The following DPP10 variants were observed in gnomAD, a reference collection of about 807,000 sequenced individuals.
DPP10 encodes the protein inactive dipeptidyl peptidase 10.
Under a neutral mutation model 120.9 loss-of-function variants are expected in DPP10, and 33 were observed. The ratio of observed to expected loss-of-function variants is 0.27; its 90% CI spans 0.21 to 0.37. The LOEUF is 0.37. Among genes scored for constraint, DPP10 ranks in the 10% least tolerant of loss-of-function variants. The probability of loss-of-function intolerance (pLI) is 1.00; values close to 1 mark genes in which losing one functional copy is unlikely to be tolerated. For synonymous variants in DPP10, 337 were observed against 326.1 expected (o/e 1.03, Z -0.36); for missense variants, 816 against 942.8 (o/e 0.87, Z 1.76).
intron 4 of DPP10, among the ~76,000 whole-genome samples, chr2:115,506,112 C>T (rs1019898707): frequency 4.6e-5 from 7 of 151,842 alleles, no homozygotes; most frequent in African/African-American, 1.7e-4. Context: ...ATAATTTTTC[C>T]CTTCTTTTGA....
In DPP10 at chr2:114,980,769, G is replaced by C. The variant is rs568716999; in HGVS notation, c.61-328470G>C. On this transcript the variant is annotated intron_variant, in intron 1 of 25. Transcript: ENST00000410059. ...ACCTCCCAGAGCGCTGCAGGTATAA[G>C]CATGAGCCACTGCACCCCACCTCCA... 6.6e-5 allele frequency among the ~76,000 whole-genome samples: 10 copies of C among 151,970 alleles called. No individual in the cohort carries two copies. The East Asian group carries it at 1.9e-3, about 29-fold the overall frequency.
chr2:114,831,640 G>A (rs998598731), intron 1 of DPP10, among the ~76,000 whole-genome samples: 1 of 152,068 alleles, frequency 6.6e-6, no homozygotes, highest in African/African-American at 2.4e-5. Context: ...CATATAAACA[G>A]ATATTCTGCA....
rs188237460 is a variant in DPP10 at position 114,817,917 on chromosome 2, G to A, written c.60+375079G>A. 2.8e-4 allele frequency among the ~76,000 whole-genome samples: 42 copies of A among 152,292 alleles called. No homozygotes were observed. In the East Asian group the frequency reaches 7.9e-3, roughly 29 times the overall value. On this transcript the variant is annotated intron_variant, in intron 1 of 25. Transcript: ENST00000410059. ...TAATACTTAAGGATGTAGGCTAGAAGAGTTCTAGGATTATTGGCAGAGTTT... is the reference window on the plus strand; with the variant it reads ...TAATACTTAAGGATGTAGGCTAGAAAAGTTCTAGGATTATTGGCAGAGTTT...
At chr2:115,812,678 G>C (rs1686773790) in intron 19 of DPP10, among the ~76,000 whole-genome samples, 1 of 152,080 alleles carries the variant, frequency 6.6e-6, no homozygotes. Context: ...GAAAGACAAG[G>C]CATATTTTGA....
chr2:114,762,147 A>G (rs946286584), intron 1 of DPP10, among the ~76,000 whole-genome samples: 3 of 152,214 alleles, frequency 2.0e-5, no homozygotes, highest in African/African-American at 7.2e-5. Context: ...AGCTTTAATT[A>G]CATGGTTTGG....
chr2:115,628,378 T>C (rs34832378), intron 5 of DPP10, among the ~76,000 whole-genome samples: 34,442 of 152,098 alleles, frequency 0.23, 4,364 homozygotes, highest in East Asian at 0.39. Context: ...GTTTTGTTTC[T>C]TGTAAATTAA....
At chr2:115,128,327 T>C (rs1218977764) in intron 1 of DPP10, among the ~76,000 whole-genome samples, 1 of 152,222 alleles carries the variant, frequency 6.6e-6, no homozygotes, top group Admixed American at 6.5e-5. Flanking sequence ...TGCATCAAAA[T>C]ACTCACATCA....
intron 1 of DPP10, among the ~76,000 whole-genome samples, chr2:114,594,109 C>T (rs1052849551): frequency 3.9e-5 from 6 of 151,952 alleles, no homozygotes; most frequent in African/African-American, 1.5e-4. Context: ...GAAAGGCAGA[C>T]CCACCCTTAA....
At chr2:114,776,647 T>C (rs933996612) in intron 1 of DPP10, among the ~76,000 whole-genome samples, 2 of 152,114 alleles carry the variant, frequency 1.3e-5, no homozygotes, top group Admixed American at 1.3e-4. Flanking sequence ...AAGTCATCTA[T>C]GGTGGGAGCT....
chr2:115,718,840 G>A (rs980402904), intron 7 of DPP10, among the ~76,000 whole-genome samples: 5 of 152,066 alleles, frequency 3.3e-5, no homozygotes, highest in African/African-American at 1.2e-4. Flanking sequence ...GGTGGCAAAG[G>A]AAAAGTGAAA....
rs374302526 is a variant in DPP10 at position 114,788,510 on chromosome 2, A to C, written c.60+345672A>C. On this transcript the variant is annotated intron_variant, in intron 1 of 25. Transcript: ENST00000410059. ...AGCTCACTGCAACTTCTGCCTCCTG[A>C]GTTCAAGTGATTCTCCTGCCTCAGC... Among the ~76,000 whole-genome samples the C allele has an allele frequency of 1.2e-4, 18 of 150,940 alleles. No homozygotes were observed. In the East Asian group the frequency reaches 2.9e-3, roughly 25 times the overall value.
At chr2:114,661,370 A>C (rs971019279) in intron 1 of DPP10, among the ~76,000 whole-genome samples, 1 of 152,248 alleles carries the variant, frequency 6.6e-6, no homozygotes, top group East Asian at 1.9e-4. Flanking sequence ...TACTACATGC[A>C]TGTAATATAC....
At chr2:114,791,118 T>C (rs774163438) in intron 1 of DPP10, among the ~76,000 whole-genome samples, 4 of 152,158 alleles carry the variant, frequency 2.6e-5, no homozygotes, top group Non-Finnish European at 4.4e-5. Flanking sequence ...AAGAAATAAA[T>C]TCAAATGTTA....
chr2:115,145,325 C>T (rs2051162252), intron 1 of DPP10, among the ~76,000 whole-genome samples: 1 of 152,140 alleles, frequency 6.6e-6, no homozygotes, highest in Non-Finnish European at 1.5e-5. Context: ...CTTTCAAATT[C>T]ATGACAATCA....
At chr2:115,001,083 T>G (rs1304565476) in intron 1 of DPP10, among the ~76,000 whole-genome samples, 1 of 152,202 alleles carries the variant, frequency 6.6e-6, no homozygotes, top group Non-Finnish European at 1.5e-5. Context: ...TTACTCTACC[T>G]GTAACACTCT....
intron 1 of DPP10, among the ~76,000 whole-genome samples, chr2:115,210,704 C>A (rs562266748): frequency 6.6e-6 from 1 of 152,054 alleles, no homozygotes; most frequent in Admixed American, 6.6e-5. Context: ...TTTTAATGAT[C>A]ACCATTCTAA....
intron 1 of DPP10, among the ~76,000 whole-genome samples, chr2:114,882,486 T>C (rs993158189): frequency 2.8e-4 from 41 of 149,030 alleles, no homozygotes; most frequent in African/African-American, 8.7e-4. Context: ...AATAATGTAA[T>C]GGACTTTGGG....
intron 1 of DPP10, among the ~76,000 whole-genome samples, chr2:115,235,704 G>A (rs905103542): frequency 2.6e-5 from 4 of 152,080 alleles, no homozygotes; most frequent in Non-Finnish European, 5.9e-5. Context: ...TGGGGTTACA[G>A]GTGCATGCCA....
chr2:115,612,886 TTTCA>T (rs1485063430), intron 5 of DPP10, among the ~76,000 whole-genome samples: 1 of 152,110 alleles, frequency 6.6e-6, no homozygotes, highest in Admixed American at 6.6e-5. Context: ...ACCAGTTTTC[TTTCA>T]ATCACGATAA....
Sources: allele counts gnomAD v4.1 joint callset (sites outside exome capture counted in the v4.1 genomes callset), GRCh38; gene constraint gnomAD v4.1.1; transcripts MANE v1.5; gene names NCBI Gene and HGNC (gene_info 2026-07-23, HGNC 2026-07-21).